The following LRMDA variants were observed in gnomAD, a reference collection of about 807,000 sequenced individuals.
LRMDA encodes leucine rich melanocyte differentiation associated.
Under a neutral mutation model 29.8 loss-of-function variants are expected in LRMDA, and 18 were observed. The ratio of observed to expected loss-of-function variants is 0.60; its 90% confidence interval spans 0.42 to 0.90. The LOEUF (loss-of-function observed/expected upper bound fraction) is 0.90. LRMDA is among the 40% of genes least tolerant of loss of function. LRMDA has a pLI of 0.00. For missense variants in LRMDA, 273 were observed against 273.9 expected (o/e 1.00, Z 0.02); for synonymous variants, 125 against 109.4 (o/e 1.14, Z -0.89).
rs565494615 is a variant in LRMDA at position 76,322,966 on chromosome 10, G to A, written c.517-1435G>A. 3.1e-4 allele frequency among the ~76,000 whole-genome samples: 47 copies of A among 152,224 alleles called. 1 individual carries two copies. The South Asian group carries it at 9.6e-3, about 31-fold the overall frequency. ...AATAGAGAGACACTTGGTGACTGTA[G>A]TATTTGATTTTTAATAATTTTGGGC... is the stretch of plus-strand genomic sequence containing the variant. On this transcript the variant is annotated intron_variant, in intron 5 of 6. Transcript: ENST00000611255.
At chr10:75,703,603 T>C (rs1431014584) in intron 2 of LRMDA, among the ~76,000 whole-genome samples, 1 of 152,232 alleles carries the variant, frequency 6.6e-6, no homozygotes, top group African/African-American at 2.4e-5. Context: ...ATTCAGTGAT[T>C]AATGTATATA....
intron 1 of LRMDA, among the ~76,000 whole-genome samples, chr10:75,436,582 C>T (rs1305185386): frequency 6.6e-6 from 1 of 152,058 alleles, no homozygotes; most frequent in Non-Finnish European, 1.5e-5. Context: ...ATTCTCCTAC[C>T]CTAGCCTCCT....
intron 2 of LRMDA, among the ~76,000 whole-genome samples, chr10:75,697,697 A>G (rs1445781688): frequency 1.3e-5 from 2 of 152,148 alleles, no homozygotes; most frequent in Non-Finnish European, 2.9e-5. Context: ...CAGCTCTATG[A>G]CTTATCAGCT....
chr10:75,947,774 C>A (rs1846501925), intron 2 of LRMDA, among the ~76,000 whole-genome samples: 1 of 152,198 alleles, frequency 6.6e-6, no homozygotes, highest in Non-Finnish European at 1.5e-5. Flanking sequence ...CACACACATA[C>A]TTCACGGTAC....
chr10:75,605,601 G>C (rs1840946352), intron 2 of LRMDA, among the ~76,000 whole-genome samples: 1 of 152,172 alleles, frequency 6.6e-6, no homozygotes, highest in Admixed American at 6.5e-5. Flanking sequence ...ATCCTTTCTG[G>C]GCACATTCTA....
intron 5 of LRMDA, among the ~76,000 whole-genome samples, chr10:76,322,103 T>G (rs1387965880): frequency 2.6e-5 from 4 of 152,354 alleles, no homozygotes; most frequent in South Asian, 4.1e-4. Flanking sequence ...TACTGCATAC[T>G]CAATATACGA....
intron 2 of LRMDA, among the ~76,000 whole-genome samples, chr10:75,923,805 T>C (rs12572279): frequency 0.28 from 43,254 of 152,054 alleles, 7,673 homozygotes; most frequent in East Asian, 0.89. Context: ...ATTTTAGGGA[T>C]TCCCTTTTTT....
chr10:76,449,324 TTA>T (rs553239963), intron 6 of LRMDA, among the ~76,000 whole-genome samples: 14 of 151,912 alleles, frequency 9.2e-5, no homozygotes, highest in Non-Finnish European at 1.9e-4. Context: ...GATGAATATA[TTA>T]TATGTGTCAT....
At chr10:75,816,350 T>A in intron 2 of LRMDA, among the ~76,000 whole-genome samples, 1 of 151,880 alleles carries the variant, frequency 6.6e-6, no homozygotes, top group African/African-American at 2.4e-5. Context: ...TGGCTGAGGG[T>A]TCCTTCATTA....
chr10:76,452,275 G>C (rs1010678019), intron 6 of LRMDA, among the ~76,000 whole-genome samples: 1 of 152,178 alleles, frequency 6.6e-6, no homozygotes, highest in African/African-American at 2.4e-5. Context: ...TGGGATCTGG[G>C]TCAGGGCCTC....
intron 2 of LRMDA, among the ~76,000 whole-genome samples, chr10:75,615,028 C>T (rs750856818): frequency 6.6e-6 from 1 of 152,212 alleles, no homozygotes; most frequent in African/African-American, 2.4e-5. Context: ...GATCAGTTGA[C>T]TCTGCCCAGT....
chr10:76,361,694 T>C (rs545145791), intron 6 of LRMDA, among the ~76,000 whole-genome samples: 1 of 152,268 alleles, frequency 6.6e-6, no homozygotes, highest in South Asian at 2.1e-4. Context: ...ACTGAGCAAA[T>C]GCACCAAAGA....
intron 6 of LRMDA, among the ~76,000 whole-genome samples, chr10:76,392,678 A>T (rs570426781): frequency 6.6e-6 from 1 of 151,182 alleles, no homozygotes; most frequent in African/African-American, 2.4e-5. Context: ...ATAGTTTATT[A>T]TTTTTTTTTG....
chr10:76,265,178 G>A (rs535695210), intron 5 of LRMDA, among the ~76,000 whole-genome samples: 5 of 152,226 alleles, frequency 3.3e-5, no homozygotes, highest in East Asian at 3.9e-4. Flanking sequence ...TTGTTGATCC[G>A]GTCCGTTTAT....
At chr10:75,616,249 TAGCAGCAGCAGCAGC>T (rs58265820) in intron 2 of LRMDA, among the ~76,000 whole-genome samples, 5 of 150,302 alleles carry the variant, frequency 3.3e-5, no homozygotes, top group African/African-American at 7.4e-5. Context: ...GTAGCAGCAG[TAGCAGCAGCAGCAGC>T]AGCAGCAGCA....
intron 2 of LRMDA, among the ~76,000 whole-genome samples, chr10:75,902,730 T>A (rs927332826): frequency 6.6e-6 from 1 of 152,246 alleles, no homozygotes; most frequent in East Asian, 1.9e-4. Context: ...CAGATCTGCC[T>A]TGTATTCTGT....
At chr10:76,516,688 C>A (rs1277879925) in intron 6 of LRMDA, among the ~76,000 whole-genome samples, 2 of 152,128 alleles carry the variant, frequency 1.3e-5, no homozygotes, top group Non-Finnish European at 2.9e-5. Context: ...TTTTTTATGG[C>A]TGCATAGTAT....
At chr10:75,438,858 T>C (rs1276596039) in intron 2 of LRMDA, among the ~76,000 whole-genome samples, 1 of 152,224 alleles carries the variant, frequency 6.6e-6, no homozygotes, top group African/African-American at 2.4e-5. Flanking sequence ...AAGAGTGTTT[T>C]GGGGTGTCTA....
rs1292933426 is a variant in LRMDA at position 75,536,372 on chromosome 10, C to T, written c.131+97878C>T. ...GTGTGTCCCCTCTATAGGATGCTCT[C>T]TCTGTCCTCCATCAAGTCCCAGCCT... On this transcript the variant is annotated intron_variant, in intron 2 of 6. Transcript: ENST00000611255. Among the ~76,000 whole-genome samples, 8 of 152,142 alleles carry T rather than the reference C, an allele frequency of 5.3e-5. No homozygotes were observed. The South Asian group carries it at 1.0e-3, about 20-fold the overall frequency.
Sources: gnomAD v4.1 joint callset for allele counts (sites outside exome capture counted in the v4.1 genomes callset) on GRCh38, gnomAD v4.1.1 for gene constraint, MANE v1.5 for transcripts, NCBI Gene and HGNC (gene_info 2026-07-23, HGNC 2026-07-21) for gene names.